Variants in REV3L observed in about 807,000 individuals in gnomAD.
REV3L encodes DNA polymerase zeta catalytic subunit.
In REV3L, 69 loss-of-function variants were observed where a neutral mutation model predicts 299.4. That is an observed-to-expected ratio of 0.23 (90% CI 0.19 to 0.28). The LOEUF (loss-of-function observed/expected upper bound fraction) is 0.28, where lower values mean the gene tolerates loss of function less well. REV3L is among the 10% of genes least tolerant of loss of function. REV3L has a pLI of 1.00. For synonymous variants in REV3L, 1,238 were observed against 1,271.4 expected (o/e 0.97, Z 0.56); for missense variants, 3,128 against 3,693.8 (o/e 0.85, Z 3.97).
At chr6:111,465,762 A>AAAC (rs1554250476) in intron 1 of REV3L, among the ~76,000 whole-genome samples, 67 of 151,328 alleles carry the variant, frequency 4.4e-4, no homozygotes, top group African/African-American at 1.5e-3. Flanking sequence ...AAAAAAAAAA[A>AAAC]AAAACTTTGT....
At chr6:111,364,043 ATTAC>A (rs756216814) in intron 15 of REV3L, 65 bp from the exon 16 acceptor site, 631 of 1,556,716 alleles carry the variant, frequency 4.1e-4, no homozygotes, top group Non-Finnish European at 5.1e-4. Context: ...TTTTCTTTTG[ATTAC>A]TTATTCTCAG....
At chr6:111,470,962 A>C (rs959951319) in intron 1 of REV3L, among the ~76,000 whole-genome samples, 2 of 152,218 alleles carry the variant, frequency 1.3e-5, no homozygotes, top group African/African-American at 4.8e-5. Context: ...CCTGGGCAAC[A>C]GAGTGAGACT....
At chr6:111,406,885 G>T (rs1422951311) in intron 3 of REV3L, among the ~76,000 whole-genome samples, 2 of 152,018 alleles carry the variant, frequency 1.3e-5, no homozygotes, top group Non-Finnish European at 2.9e-5. Flanking sequence ...ACTATATATT[G>T]GATACTGTGC....
chr6:111,360,470 CTTTTTTTTT>C, intron 16 of REV3L, among the ~76,000 whole-genome samples: 1 of 129,548 alleles, frequency 7.7e-6, no homozygotes. Flanking sequence ...GTTAAATAAT[CTTTTTTTTT>C]TTTTTTTTTT....
chr6:111,345,265 G>C (rs879727706), intron 20 of REV3L, among the ~76,000 whole-genome samples: 9 of 151,978 alleles, frequency 5.9e-5, no homozygotes, highest in African/African-American at 2.2e-4. Context: ...GGGAAGATAT[G>C]GGGAACAGAG....
At chr6:111,395,755 C>G (rs577321092) in intron 4 of REV3L, among the ~76,000 whole-genome samples, 10 of 152,058 alleles carry the variant, frequency 6.6e-5, no homozygotes, top group Non-Finnish European at 1.2e-4. Context: ...AATGGGCATC[C>G]TGTCTTCTTC....
intron 4 of REV3L, among the ~76,000 whole-genome samples, chr6:111,403,720 T>C (rs1454573681): frequency 6.6e-6 from 1 of 152,180 alleles, no homozygotes; most frequent in Non-Finnish European, 1.5e-5. Flanking sequence ...CAATGGCCTC[T>C]AAATGTTCAA....
chr6:111,362,687 G>A (rs1778814341), intron 16 of REV3L, among the ~76,000 whole-genome samples: 1 of 152,020 alleles, frequency 6.6e-6, no homozygotes, highest in South Asian at 2.1e-4. Context: ...TGAAGTCTTT[G>A]AAATGAGTAT....
At chr6:111,349,987 G>A (rs991893133) in intron 19 of REV3L, among the ~76,000 whole-genome samples, 1 of 152,092 alleles carries the variant, frequency 6.6e-6, no homozygotes, top group Admixed American at 6.5e-5. Context: ...ATTAAAATGC[G>A]TCTCTCCTAT....
intron 26 of REV3L, among the ~76,000 whole-genome samples, chr6:111,318,086 CTTTT>C (rs1378024093): frequency 3.4e-5 from 5 of 148,600 alleles, no homozygotes; most frequent in Non-Finnish European, 7.5e-5. Flanking sequence ...TTTCCTTTTT[CTTTT>C]TTCTTTTTTT....
intron 24 of REV3L, chr6:111,330,828 C>T (rs1775308521): frequency 5.3e-6 from 1 of 189,260 alleles, no homozygotes; most frequent in Middle Eastern, 2.5e-3. Context: ...TCATCTACAT[C>T]AGTCCTTAGA....
Position 111,430,641 on chromosome 6 carries a change from C to T in REV3L, c.140-14169G>A, listed in dbSNP as rs1409031183. On this transcript the variant is annotated intron_variant, in intron 1 of 31. Transcript: ENST00000368802. ...GAGTGGGGAGGACAGAGGCTGCTGG[C>T]CGAGAAGAGAGAGGACTCTGGAGAT... 2.0e-6 allele frequency: 3 copies of T among 1,523,374 alleles called. No homozygotes were observed. In the African/African-American group the frequency reaches 4.1e-5, roughly 21 times the overall value. 94.4% of individuals were successfully genotyped at this position (1,523,374 alleles called of 1,614,324 possible).
intron 31 of REV3L, among the ~76,000 whole-genome samples, chr6:111,303,007 A>G (rs1453416316): frequency 6.6e-6 from 1 of 152,054 alleles, no homozygotes; most frequent in Non-Finnish European, 1.5e-5. Flanking sequence ...TGCCATCTAG[A>G]ATCTGATTTG....
chr6:111,430,216 T>G (rs1191409401), intron 1 of REV3L: 2 of 824,766 alleles, frequency 2.4e-6, no homozygotes, highest in Non-Finnish European at 4.3e-6. Context: ...CAAGAAGAAG[T>G]AGAACAGATA....
intron 1 of REV3L, among the ~76,000 whole-genome samples, chr6:111,419,451 T>C (rs1419570899): frequency 9.9e-5 from 15 of 152,222 alleles, no homozygotes; most frequent in Admixed American, 9.2e-4. Flanking sequence ...CTTGACAAGA[T>C]ACAGACCACT....
At chr6:111,431,732 C>T (rs554015223) in intron 1 of REV3L, 9 of 866,140 alleles carry the variant, frequency 1.0e-5, no homozygotes, top group Admixed American at 3.8e-5. Flanking sequence ...ACAGAAGATA[C>T]TGAAGAACCT....
intron 1 of REV3L, chr6:111,430,283 C>T (rs2128298086): frequency 4.8e-6 from 5 of 1,046,078 alleles, no homozygotes; most frequent in Non-Finnish European, 7.5e-6. Flanking sequence ...GAGAAAAGAT[C>T]CAAGTGCTTT....
At chr6:111,431,676 G>C in intron 1 of REV3L, 1 of 949,816 alleles carries the variant, frequency 1.1e-6, no homozygotes. Context: ...AAGCAATGGG[G>C]ATTTCCATTC....
chr6:111,422,599 TATATATATATATACAC>T (rs1785542336), intron 1 of REV3L, among the ~76,000 whole-genome samples: 4 of 15,028 alleles, frequency 2.7e-4, no homozygotes, highest in South Asian at 4.5e-3. Flanking sequence ...TATATACACA[TATATATATATATACAC>T]ATATATATAT....
Sources: allele counts gnomAD v4.1 joint callset (sites outside exome capture counted in the v4.1 genomes callset), GRCh38; gene constraint gnomAD v4.1.1; transcripts MANE v1.5; gene names NCBI Gene and HGNC (gene_info 2026-07-23, HGNC 2026-07-21).